Variants in GPR139 observed in about 807,000 individuals in gnomAD.
GPR139 encodes probable G protein-coupled receptor 139.
In GPR139, 12 loss-of-function variants were observed where a neutral mutation model predicts 25.8. The observed-to-expected ratio is 0.47, with a 90% CI of 0.30 to 0.75. The LOEUF (loss-of-function observed/expected upper bound fraction) is 0.75. Ranked by LOEUF, GPR139 falls within the 30% of genes least tolerant of loss-of-function variation. The probability of loss-of-function intolerance (pLI) is 0.07; values close to 1 mark genes in which losing one functional copy is unlikely to be tolerated. For missense variants in GPR139, 380 were observed against 450.2 expected (o/e 0.84, Z 1.41); for synonymous variants, 184 against 179.9 (o/e 1.02, Z -0.18).
At chr16:20,059,959 C>A (rs1229399704) in intron 1 of GPR139, among the ~76,000 whole-genome samples, 1 of 152,166 alleles carries the variant, frequency 6.6e-6, no homozygotes, top group African/African-American at 2.4e-5. Context: ...AGGGAGGACA[C>A]AAGGTGGAAC....
intron 1 of GPR139, among the ~76,000 whole-genome samples, chr16:20,062,060 G>A (rs771188021): frequency 2.0e-5 from 3 of 152,130 alleles, no homozygotes; most frequent in Non-Finnish European, 2.9e-5. Flanking sequence ...TTAAGGCCAG[G>A]AGTTTGAGAT....
In GPR139 at chr16:20,031,314, C is replaced by T. The variant is rs1403780456; in HGVS notation, c.*421G>A. On this transcript the variant is annotated 3_prime_UTR_variant, in exon 2 of 2. Transcript: ENST00000570682. ...AACAGCAGAGGGAAGTGATGAATGA[C>T]CTCAGCTCTCGGAAGAAGAGTGCAG... 6.6e-6 allele frequency among the ~76,000 whole-genome samples: 1 copy of T among 152,108 alleles called. No homozygotes were observed. Among genetic ancestry groups the T allele is most frequent in the African/African-American group, 2.4e-5 (1 of 41,414 alleles).
chr16:20,028,942 A>G lies in GPR139; in HGVS notation c.*2793T>C, dbSNP rs1296176168. 1.3e-5 allele frequency among the ~76,000 whole-genome samples: 2 copies of G among 152,240 alleles called. No individual in the cohort carries two copies. Among genetic ancestry groups the G allele is most frequent in the Non-Finnish European group, 2.9e-5 (2 of 68,044 alleles). On this transcript the variant is annotated 3_prime_UTR_variant, in exon 2 of 2. Transcript: ENST00000570682. ...GCTTTATTGTCAAAACTGGCCTGAA[A>G]GAAAAGGCTTACAAGTTTTTAAAGT...
At chr16:20,041,592 G>A (rs1226679317) in intron 1 of GPR139, among the ~76,000 whole-genome samples, 3 of 152,080 alleles carry the variant, frequency 2.0e-5, no homozygotes, top group Non-Finnish European at 4.4e-5. Context: ...ATGCTGACAA[G>A]ACTCAGTGGT....
chr16:20,049,515 G>T (rs980394375), intron 1 of GPR139, among the ~76,000 whole-genome samples: 2 of 152,214 alleles, frequency 1.3e-5, no homozygotes, highest in South Asian at 4.1e-4. Flanking sequence ...GCGCTGTTAA[G>T]AAGACTGAGT....
At chr16:20,062,531 C>G (rs1400826154) in intron 1 of GPR139, among the ~76,000 whole-genome samples, 1 of 152,164 alleles carries the variant, frequency 6.6e-6, no homozygotes, top group Non-Finnish European at 1.5e-5. Context: ...GGTACATAAG[C>G]CCCCTAGTCT....
intron 1 of GPR139, among the ~76,000 whole-genome samples, chr16:20,056,246 G>A (rs2057388132): frequency 6.6e-6 from 1 of 152,152 alleles, no homozygotes; most frequent in South Asian, 2.1e-4. Context: ...TGGTATGCTG[G>A]GCTTTCTTTT....
chr16:20,058,639 A>G (rs1049735571), intron 1 of GPR139, among the ~76,000 whole-genome samples: 1 of 152,152 alleles, frequency 6.6e-6, no homozygotes, highest in Non-Finnish European at 1.5e-5. Flanking sequence ...TGGGGTCATT[A>G]TTCCCTTTTC....
At chr16:20,071,270 T>C (rs12933204) in intron 1 of GPR139, among the ~76,000 whole-genome samples, 56,840 of 152,116 alleles carry the variant, frequency 0.37, 11,450 homozygotes, top group East Asian at 0.53. Context: ...TCTCCCCTTA[T>C]GGTTTTAAGA....
chr16:20,058,845 A>T (rs1245237890), intron 1 of GPR139, among the ~76,000 whole-genome samples: 1 of 152,176 alleles, frequency 6.6e-6, no homozygotes, highest in Non-Finnish European at 1.5e-5. Flanking sequence ...CTTACAGCTG[A>T]CAGCTAGGTC....
intron 1 of GPR139, among the ~76,000 whole-genome samples, chr16:20,065,272 G>A (rs1191688368): frequency 3.3e-5 from 5 of 152,152 alleles, no homozygotes; most frequent in Non-Finnish European, 7.3e-5. Context: ...TAAAAATCTG[G>A]ATTTCTAGAT....
At chr16:20,042,601 C>A (rs2057340158) in intron 1 of GPR139, among the ~76,000 whole-genome samples, 1 of 152,166 alleles carries the variant, frequency 6.6e-6, no homozygotes. Context: ...TCAGTTGTCT[C>A]TTGCATCCTC....
intron 1 of GPR139, among the ~76,000 whole-genome samples, chr16:20,056,321 G>A (rs1596469428): frequency 6.6e-6 from 1 of 152,314 alleles, no homozygotes; most frequent in Middle Eastern, 3.4e-3. Flanking sequence ...ACTAGACTCT[G>A]CCCTTCCTGA....
chr16:20,055,799 A>T (rs1168091188), intron 1 of GPR139, among the ~76,000 whole-genome samples: 1 of 152,208 alleles, frequency 6.6e-6, no homozygotes, highest in African/African-American at 2.4e-5. Flanking sequence ...TGTTCAGCAG[A>T]TGGGAGCATA....
rs988170832 is a variant in GPR139, at chr16:20,030,653, T to G, written c.*1082A>C. Reference sequence around the variant, plus strand: ...AGACGAGGCGTCAGCATGGGCACCTTTTGTGTCTGCGTTTGTGGCGAAATG... The same window carrying G: ...AGACGAGGCGTCAGCATGGGCACCTGTTGTGTCTGCGTTTGTGGCGAAATG... On this transcript the variant is annotated 3_prime_UTR_variant, in exon 2 of 2. Coordinates refer to ENST00000570682, the MANE Select transcript of GPR139 (RefSeq NM_001002911.4). 6.6e-6 allele frequency among the ~76,000 whole-genome samples: 1 copy of G among 152,266 alleles called. No homozygotes were observed.
chr16:20,032,248 G>A lies in GPR139; in HGVS notation c.549C>T (p.Leu183=), dbSNP rs775257373. ...DYISTSVHHV[L]IWIHCFTVYL... is the part of the protein sequence containing the mutation. ...AGACGGTGAAGCAGTGGATCCAGAT[G>A]AGGACGTGATGCACAGAGGTGCTGA... The change falls in exon 2 of 2, where the codon CTC becomes CTT. Residue 183 remains leucine (L), a synonymous_variant. Coordinates refer to ENST00000570682, the MANE Select transcript of GPR139 (RefSeq NM_001002911.4). 6.9e-5 allele frequency: 111 copies of A among 1,614,104 alleles called. 2 individuals are homozygous for A. In the Middle Eastern group the frequency reaches 1.3e-3, roughly 19 times the overall value.
chr16:20,039,623 C>T (rs1010642670), intron 1 of GPR139, among the ~76,000 whole-genome samples: 6 of 152,134 alleles, frequency 3.9e-5, no homozygotes, highest in Non-Finnish European at 7.3e-5. Flanking sequence ...GTGGGTACCA[C>T]GATTTAAAAG....
rs765074694 is a variant in GPR139, at chr16:20,073,661, A to T, written c.-45T>A. 8.6e-6 allele frequency: 13 copies of T among 1,511,818 alleles called. No individual in the cohort carries two copies. The Admixed American group carries it at 2.8e-4, about 32-fold the overall frequency. The allele number at this position is 1,511,818 out of a possible 1,614,324, so 93.7% of individuals were successfully genotyped here. A position where few individuals can be genotyped will look rare whatever the true frequency, so the allele number is the denominator to read the frequency against. On this transcript the variant is annotated 5_prime_UTR_variant, in exon 1 of 2. Transcript: ENST00000570682. This position sits in a 1 kb window ranked among gnomAD's most constrained non-coding sequence, Gnocchi z 4.7. The stretch of plus-strand genomic sequence containing the variant: ...CTTGCCGCTTCGCGCCCGGCCTGCC[A>T]GCCCGACTCTGGTCGCCGGCTCGGT...
intron 1 of GPR139, among the ~76,000 whole-genome samples, chr16:20,058,305 A>AAATAATGTGATG (rs1241734138): frequency 6.6e-6 from 1 of 151,354 alleles, no homozygotes; most frequent in African/African-American, 2.4e-5. Context: ...GAGATAAGAC[A>AAATAATGTGATG]AATAATGTGA....
Sources: gnomAD v4.1 joint callset for allele counts (sites outside exome capture counted in the v4.1 genomes callset) on GRCh38, gnomAD v4.1.1 for gene constraint, Gnocchi (gnomAD v3.1) non-coding constraint, MANE v1.5 for transcripts, NCBI Gene and HGNC (gene_info 2026-07-23, HGNC 2026-07-21) for gene names.